The following GALNT14 variants were observed in gnomAD, a reference collection of about 807,000 sequenced individuals.
GALNT14 encodes the protein UDP-GalNAc:polypeptide N-acetylgalactosaminyltransferase 14.
In GALNT14, 60 loss-of-function variants were observed where a neutral mutation model predicts 77.5. The ratio of observed to expected loss-of-function variants is 0.77; its 90% CI spans 0.63 to 0.96. GALNT14 has a LOEUF of 0.96. GALNT14 is among the 40% of genes least tolerant of loss of function. The pLI is 0.00. For synonymous variants in GALNT14, 280 were observed against 281.7 expected (o/e 0.99, Z 0.06); for missense variants, 710 against 731.0 (o/e 0.97, Z 0.33).
intron 1 of GALNT14, among the ~76,000 whole-genome samples, chr2:31,093,105 G>C (rs1279219450): frequency 6.6e-6 from 1 of 152,166 alleles, no homozygotes; most frequent in Non-Finnish European, 1.5e-5. Context: ...ATGAGAGAGA[G>C]GACAGGGTGC....
At position 31,089,853 on chromosome 2, in the gene GALNT14, C is replaced by T. The variant is rs1297748623; in HGVS notation, c.129+48105G>A. ...GACCTTGTTTATACCTGAAAGACAG[C>T]AGAGGGAGCTTGTTCTCAAAGGCCT... is the stretch of plus-strand genomic sequence containing the variant. On this transcript the variant is annotated intron_variant, in intron 1 of 14. Coordinates refer to ENST00000349752, the MANE Select transcript of GALNT14 (RefSeq NM_024572.4). Among the ~76,000 whole-genome samples, 7 of 152,140 alleles carry T rather than the reference C, an allele frequency of 4.6e-5. No homozygotes were observed. The East Asian group carries it at 1.4e-3, about 29-fold the overall frequency.
chr2:31,038,082 ATATTTTTTTTTTT>A (rs1228820416), intron 1 of GALNT14, among the ~76,000 whole-genome samples: 4 of 70,172 alleles, frequency 5.7e-5, no homozygotes, highest in Non-Finnish European at 1.0e-4. Context: ...ATATATATAT[ATATTTTTTTTTTT>A]TTTTTTTTTT....
In GALNT14 at chr2:31,109,343, G is replaced by C. The variant is rs549857068; in HGVS notation, c.129+28615C>G. On this transcript the variant is annotated intron_variant, in intron 1 of 14. Transcript: ENST00000349752. ...AATTGCCCACCTTTTACTTCTCCACGAGAAACAGATAACAGAAGGAAGCCA... is the reference window on the plus strand; with the variant it reads ...AATTGCCCACCTTTTACTTCTCCACCAGAAACAGATAACAGAAGGAAGCCA... 6.0e-4 allele frequency among the ~76,000 whole-genome samples: 92 copies of C among 152,260 alleles called. 1 individual carries two copies. The highest frequency in any genetic ancestry group is 2.1e-3 in the African/African-American group (88 of 41,536).
the GALNT14 span, among the ~76,000 whole-genome samples, chr2:30,893,330 C>T: frequency 6.6e-6 from 1 of 151,926 alleles, no homozygotes; most frequent in South Asian, 2.1e-4. Context: ...GTTATTATGA[C>T]ATGTTGGAAA....
the GALNT14 span, among the ~76,000 whole-genome samples, chr2:30,900,558 A>G: frequency 2.9e-4 from 44 of 152,288 alleles, no homozygotes; most frequent in African/African-American, 9.9e-4. Flanking sequence ...CTACAATAAG[A>G]TATGGTCCCA....
intron 7 of GALNT14, among the ~76,000 whole-genome samples, 160 bp downstream of exon 7, chr2:30,945,623 C>T (rs1040129726): frequency 1.3e-5 from 2 of 152,194 alleles, no homozygotes; most frequent in Non-Finnish European, 2.9e-5. Flanking sequence ...CATCCACAGT[C>T]CTGGTGGTAA....
intron 1 of GALNT14, among the ~76,000 whole-genome samples, chr2:31,081,331 G>C (rs754674146): frequency 8.5e-5 from 13 of 152,168 alleles, no homozygotes; most frequent in Non-Finnish European, 1.5e-4. Flanking sequence ...TCTACACATA[G>C]CAAGAATGTT....
chr2:31,042,928 C>G (rs1433203256), intron 1 of GALNT14, among the ~76,000 whole-genome samples: 1 of 152,140 alleles, frequency 6.6e-6, no homozygotes, highest in Non-Finnish European at 1.5e-5. Context: ...CCTCAAAACC[C>G]TTGAATGGCT....
At chr2:31,015,587 G>A (rs182204518) in intron 1 of GALNT14, among the ~76,000 whole-genome samples, 115 of 152,244 alleles carry the variant, frequency 7.6e-4, no homozygotes, top group Non-Finnish European at 1.4e-3. Context: ...GGAGACTGCT[G>A]GCCAGTACCA....
chr2:31,004,974 G>C (rs372627043), intron 1 of GALNT14, among the ~76,000 whole-genome samples: 48 of 152,342 alleles, frequency 3.2e-4, no homozygotes, highest in African/African-American at 1.1e-3. Flanking sequence ...TGGATGGCTT[G>C]TAGGTGCCGC....
Position 30,969,558 on chromosome 2 carries a change from G to A in GALNT14, c.300-3256C>T, listed in dbSNP as rs186777224. Among the ~76,000 whole-genome samples, 9 of 152,320 alleles carry A rather than the reference G, an allele frequency of 5.9e-5. No individual in the cohort carries two copies. In the East Asian group the frequency reaches 1.2e-3, roughly 20 times the overall value. On this transcript the variant is annotated intron_variant, in intron 2 of 14. Transcript: ENST00000349752. The stretch of plus-strand genomic sequence containing the variant: ...CAGATGCATGCACACACGCAGTTAC[G>A]CAGAGGCATAACTCTGCCTGGAGTG...
chr2:30,965,232 G>A lies in GALNT14; in HGVS notation c.398+972C>T, dbSNP rs75568281. ...CCTGGAATCCTGCCTCACTATCACT[G>A]GCTAGGCGACACTGGACCTTGATTT... On this transcript the variant is annotated intron_variant, in intron 3 of 14. Coordinates refer to ENST00000349752, the MANE Select transcript of GALNT14 (RefSeq NM_024572.4). 7.9e-5 allele frequency among the ~76,000 whole-genome samples: 12 copies of A among 152,262 alleles called. No individual in the cohort carries two copies. In the East Asian group the frequency reaches 1.7e-3, roughly 22 times the overall value.
chr2:30,977,658 G>A (rs1668720413), intron 2 of GALNT14, among the ~76,000 whole-genome samples: 1 of 152,138 alleles, frequency 6.6e-6, no homozygotes, highest in Non-Finnish European at 1.5e-5. Flanking sequence ...CCAGGAATGT[G>A]CTAGACTCAG....
At chr2:31,091,672 A>C (rs957089842) in intron 1 of GALNT14, among the ~76,000 whole-genome samples, 2 of 152,216 alleles carry the variant, frequency 1.3e-5, no homozygotes, top group African/African-American at 4.8e-5. Flanking sequence ...CAGCAGATTC[A>C]GTGTGTGGTG....
intron 1 of GALNT14, among the ~76,000 whole-genome samples, chr2:31,032,331 C>T (rs752041867): frequency 6.6e-6 from 1 of 152,134 alleles, no homozygotes; most frequent in Admixed American, 6.5e-5. Flanking sequence ...CTCGCCTAAG[C>T]CCAGGGTTGG....
intron 1 of GALNT14, among the ~76,000 whole-genome samples, chr2:31,057,843 C>A (rs1323724773): frequency 6.6e-6 from 1 of 152,122 alleles, no homozygotes; most frequent in East Asian, 1.9e-4. Flanking sequence ...GGCCTCTCAG[C>A]CCTCTGGCTT....
intron 6 of GALNT14, among the ~76,000 whole-genome samples, chr2:30,954,923 G>T (rs79660620): frequency 0.011 from 1,602 of 152,294 alleles, 23 homozygotes; most frequent in African/African-American, 0.037. Context: ...CTCAGGAAGA[G>T]GAACACAGTA....
At chr2:30,900,045 C>G in the GALNT14 span, among the ~76,000 whole-genome samples, 1 of 152,160 alleles carries the variant, frequency 6.6e-6, no homozygotes, top group Non-Finnish European at 1.5e-5. Flanking sequence ...TTGGGGAAAC[C>G]AAGTCCACTT....
At chr2:31,126,543 A>G (rs1678712740) in intron 1 of GALNT14, 3 of 152,218 alleles carry the variant, frequency 2.0e-5, no homozygotes, top group Admixed American at 2.0e-4. Context: ...CTAACTCAGA[A>G]AGCACCCAAC....
Sources: allele counts gnomAD v4.1 joint callset (sites outside exome capture counted in the v4.1 genomes callset), GRCh38; gene constraint gnomAD v4.1.1; transcripts MANE v1.5; gene names NCBI Gene and HGNC (gene_info 2026-07-23, HGNC 2026-07-21).